The following RPL31 variants were observed in gnomAD, a reference collection of about 807,000 sequenced individuals.
The protein encoded by RPL31 is ribosomal protein L31.
For synonymous variants in RPL31, 51 were observed against 55.0 expected (o/e 0.93, Z 0.32); for missense variants, 95 against 164.0 (o/e 0.58, Z 2.30).
At chr2:101,003,152 C>A (rs886749981) in intron 2 of RPL31, among the ~76,000 whole-genome samples, 2 of 152,196 alleles carry the variant, frequency 1.3e-5, no homozygotes, top group African/African-American at 4.8e-5. Context: ...TGCCATGATC[C>A]CACATTGGCT....
chr2:101,015,417 ATTC>A (rs1346610570), intron 4 of RPL31, among the ~76,000 whole-genome samples: 13 of 152,184 alleles, frequency 8.5e-5, no homozygotes, highest in Admixed American at 2.6e-4. Context: ...TTTTAAAAAT[ATTC>A]TTCTTCATCT....
intron 3 of RPL31, chr2:101,005,042 C>CCT (rs1484473193): frequency 6.6e-6 from 1 of 152,314 alleles, no homozygotes; most frequent in African/African-American, 2.4e-5. Context: ...ATGAACAAGA[C>CCT]AGGGACCTGA....
Position 101,004,183 on chromosome 2 carries a change from G to A in RPL31, c.133G>A (p.Ala45Thr). 6.2e-7 allele frequency: 1 copy of A among 1,613,954 alleles called. No individual in the cohort carries two copies. The highest frequency in any genetic ancestry group is 1.7e-5 in the Admixed American group (1 of 60,016). The change falls in exon 3 of 5, where the codon GCA (alanine) becomes ACA (threonine). Residue 45 changes from alanine (A) to threonine (T), a missense_variant. Ala to Thr is a moderately conservative substitution (Grantham distance 58, BLOSUM62 0). Transcript: ENST00000264258. ...GGGCTTCAAGAAGCGTGCACCTCGG[G>A]CACTCAAAGAGATTCGGAAATTTGC... is the stretch of plus-strand genomic sequence containing the variant. ...GVGFKKRAPR[A>T]LKEIRKFAMK... is the part of the protein sequence containing the mutation.
rs1177238703 is a variant in RPL31 at position 101,006,335 on chromosome 2, T to C, written c.347-15T>C. 2 of 1,608,330 alleles carry C rather than the reference T, an allele frequency of 1.2e-6. No homozygotes were observed. Among genetic ancestry groups the C allele is most frequent in the Non-Finnish European group, 1.7e-6 (2 of 1,178,144 alleles). Reference sequence around the variant, plus strand: ...GTGATGTGGGTATGGAAATTGACTGTTACTTCCTTTACAGATCTACAGACA... The same window carrying C: ...GTGATGTGGGTATGGAAATTGACTGCTACTTCCTTTACAGATCTACAGACA... On this transcript the variant is annotated splice_polypyrimidine_tract_variant and intron_variant, in intron 4 of 4. Transcript: ENST00000264258.
chr2:101,006,242 A>G, intron 4 of RPL31, 108 bp from the exon 5 acceptor site: 1 of 1,530,320 alleles, frequency 6.5e-7, no homozygotes, highest in Non-Finnish European at 8.8e-7. Context: ...TCTGGGATGT[A>G]AAAAGGTTGT....
chr2:101,007,415 A>C, downstream of RPL31: 1 of 190,654 alleles, frequency 5.2e-6, no homozygotes, highest in East Asian at 1.4e-4. Context: ...GGACTCCCTT[A>C]GATCTTGAAA....
At chr2:101,015,003 C>T (rs767190279) in intron 4 of RPL31, among the ~76,000 whole-genome samples, 7 of 152,078 alleles carry the variant, frequency 4.6e-5, no homozygotes, top group African/African-American at 7.2e-5. Context: ...GAGAGGAATA[C>T]GTTCTGAGAA....
downstream of RPL31, chr2:101,011,220 G>C: frequency 1.5e-6 from 1 of 689,296 alleles, no homozygotes; most frequent in Non-Finnish European, 2.4e-6. Context: ...AAGAGGACCC[G>C]TGAAACAGCA....
downstream of RPL31, among the ~76,000 whole-genome samples, chr2:101,010,286 C>T (rs115749792): frequency 0.013 from 1,938 of 152,180 alleles, 19 homozygotes; most frequent in Non-Finnish European, 0.021. Flanking sequence ...CAGTGATTTC[C>T]CAGGAAATGG....
downstream of RPL31, chr2:101,011,571 C>T: frequency 6.2e-7 from 1 of 1,610,950 alleles, no homozygotes; most frequent in South Asian, 1.1e-5. Context: ...TTAAATTAAA[C>T]AAATTTTCTG....
At chr2:101,011,169 C>T, downstream of RPL31, 3 of 809,776 alleles carry the variant, frequency 3.7e-6, no homozygotes, top group South Asian at 5.3e-5. Context: ...AAGAGATTCC[C>T]CTGGAGAGCC....
At chr2:101,017,540 G>A (rs1679746622) in intron 4 of RPL31, among the ~76,000 whole-genome samples, 1 of 152,142 alleles carries the variant, frequency 6.6e-6, no homozygotes, top group Non-Finnish European at 1.5e-5. Context: ...CATACATGCT[G>A]TCTATCCTTG....
At chr2:101,015,526 G>A (rs1311208356) in intron 4 of RPL31, among the ~76,000 whole-genome samples, 1 of 152,042 alleles carries the variant, frequency 6.6e-6, no homozygotes, top group East Asian at 1.9e-4. Context: ...CAAACACATT[G>A]TACAGCTGTG....
chr2:101,013,638 G>C (rs1200989563), intron 4 of RPL31, among the ~76,000 whole-genome samples: 1 of 152,192 alleles, frequency 6.6e-6, no homozygotes, highest in Non-Finnish European at 1.5e-5. Flanking sequence ...TATAGCCTTA[G>C]GGACCTTCAT....
chr2:101,011,175 G>T, downstream of RPL31: 1 of 773,732 alleles, frequency 1.3e-6, no homozygotes, highest in Non-Finnish European at 2.1e-6. Context: ...TTCCCCTGGA[G>T]AGCCAGTGGG....
downstream of RPL31, chr2:101,007,517 G>A (rs564201822): frequency 1.2e-5 from 4 of 347,168 alleles, no homozygotes; most frequent in Admixed American, 1.8e-4. Flanking sequence ...ATGAGACATT[G>A]TGTTCATCTG....
intron 3 of RPL31, chr2:101,005,722 G>A: frequency 3.7e-6 from 2 of 538,632 alleles, no homozygotes; most frequent in Non-Finnish European, 6.5e-6. Context: ...TAACCGGTTG[G>A]GTATCAATGG....
intron 4 of RPL31, among the ~76,000 whole-genome samples, chr2:101,015,684 T>G (rs954596566): frequency 6.6e-6 from 1 of 152,206 alleles, no homozygotes. Context: ...ACTACAAGGC[T>G]ACAGTAACCA....
chr2:101,002,817 C>T lies in RPL31; in HGVS notation c.107+9C>T, dbSNP rs773535454. 4.5e-5 allele frequency: 72 copies of T among 1,600,998 alleles called. No individual in the cohort carries two copies. In the Admixed American group the frequency reaches 6.0e-4, roughly 13 times the overall value. ...AAGCGCATCCATGGAGTGTGAGTAT[C>T]CCTCTAGCCGCCCTGGGTCTCGAAC... On this transcript the variant is annotated intron_variant, in intron 2 of 4. Coordinates refer to ENST00000264258, the MANE Select transcript of RPL31 (RefSeq NM_000993.5).
Sources: allele counts gnomAD v4.1 joint callset (sites outside exome capture counted in the v4.1 genomes callset), GRCh38; gene constraint gnomAD v4.1.1; transcripts MANE v1.5; gene names NCBI Gene and HGNC (gene_info 2026-07-23, HGNC 2026-07-21).